The following GRIK2 variants were observed in gnomAD, a reference collection of about 807,000 sequenced individuals.
The protein encoded by GRIK2 is glutamate ionotropic receptor kainate type subunit 2.
GRIK2 carries 32 observed loss-of-function variants against 100.3 expected under a neutral mutation model. That is an observed-to-expected ratio of 0.32 (90% CI 0.24 to 0.43). GRIK2 has a LOEUF of 0.43. GRIK2 is among the 20% of genes least tolerant of loss of function. The pLI is 1.00. For missense variants in GRIK2, 843 were observed against 1,114.9 expected (o/e 0.76, Z 3.47); for synonymous variants, 417 against 389.4 (o/e 1.07, Z -0.83).
intron 4 of GRIK2, among the ~76,000 whole-genome samples, chr6:101,666,115 T>C (rs1252705617): frequency 6.6e-6 from 1 of 152,156 alleles, no homozygotes; most frequent in Non-Finnish European, 1.5e-5. Context: ...CTCTCAAGTT[T>C]GATAATTTGC....
At chr6:101,939,950 G>T (rs2791806) in intron 14 of GRIK2, among the ~76,000 whole-genome samples, 1 of 152,138 alleles carries the variant, frequency 6.6e-6, no homozygotes, top group African/African-American at 2.4e-5. Context: ...CAATTAGGGA[G>T]GTGTTTCAGA....
intron 14 of GRIK2, among the ~76,000 whole-genome samples, chr6:102,032,294 GC>G: frequency 6.6e-6 from 1 of 151,258 alleles, no homozygotes; most frequent in East Asian, 2.0e-4. Context: ...ACTGCCAAGA[GC>G]CTTTCAAAAA....
intron 10 of GRIK2, among the ~76,000 whole-genome samples, chr6:101,855,921 T>A (rs1202487462): frequency 2.6e-5 from 4 of 152,152 alleles, no homozygotes; most frequent in African/African-American, 9.7e-5. Flanking sequence ...GGGGACAGTG[T>A]AAAGAAATTA....
intron 2 of GRIK2, among the ~76,000 whole-genome samples, chr6:101,482,121 G>A (rs1195540265): frequency 6.6e-6 from 1 of 152,166 alleles, no homozygotes; most frequent in Non-Finnish European, 1.5e-5. Context: ...TACAGTGAAT[G>A]ACAGCAGAAA....
chr6:101,875,623 T>C (rs1311792556), intron 11 of GRIK2, among the ~76,000 whole-genome samples: 1 of 151,908 alleles, frequency 6.6e-6, no homozygotes, highest in African/African-American at 2.4e-5. Flanking sequence ...CTTGTTTTTC[T>C]CTTTACTTCT....
chr6:101,736,504 C>T (rs1435643198), intron 7 of GRIK2, among the ~76,000 whole-genome samples: 1 of 152,202 alleles, frequency 6.6e-6, no homozygotes, highest in East Asian at 1.9e-4. Context: ...AGGCTTAACA[C>T]CACATGGAAG....
intron 2 of GRIK2, among the ~76,000 whole-genome samples, chr6:101,411,392 C>T (rs1467410345): frequency 6.6e-6 from 1 of 152,022 alleles, no homozygotes; most frequent in Non-Finnish European, 1.5e-5. Flanking sequence ...GTCTGGTCCC[C>T]AAACCTAGAA....
chr6:101,514,993 A>G (rs1225866621), intron 2 of GRIK2, among the ~76,000 whole-genome samples: 2 of 152,066 alleles, frequency 1.3e-5, no homozygotes, highest in Non-Finnish European at 2.9e-5. Context: ...TAGTGCACCC[A>G]TCACCCAAAC....
At chr6:101,777,562 A>T (rs937898169) in intron 7 of GRIK2, among the ~76,000 whole-genome samples, 2 of 152,194 alleles carry the variant, frequency 1.3e-5, no homozygotes, top group Admixed American at 6.5e-5. Context: ...TTTAATTTTC[A>T]ATGATAAAAT....
At chr6:102,023,758 A>G (rs1769549474) in intron 14 of GRIK2, among the ~76,000 whole-genome samples, 1 of 151,518 alleles carries the variant, frequency 6.6e-6, no homozygotes, top group African/African-American at 2.4e-5. Flanking sequence ...GATTCAGAAG[A>G]CATTGATAGT....
intron 7 of GRIK2, among the ~76,000 whole-genome samples, chr6:101,787,699 T>G (rs1173056450): frequency 6.6e-6 from 1 of 152,176 alleles, no homozygotes. Flanking sequence ...CTTTTAAAAG[T>G]TTGTTGAAAC....
intron 12 of GRIK2, among the ~76,000 whole-genome samples, chr6:101,899,998 AAAT>A (rs1387304250): frequency 2.0e-5 from 3 of 152,140 alleles, no homozygotes; most frequent in African/African-American, 4.8e-5. Flanking sequence ...GAAACATTAA[AAAT>A]AGAGAAAATT....
At chr6:101,828,105 TAGAA>T (rs1157696376) in intron 10 of GRIK2, among the ~76,000 whole-genome samples, 3 of 151,886 alleles carry the variant, frequency 2.0e-5, no homozygotes, top group African/African-American at 7.2e-5. Flanking sequence ...AGAATAAAAA[TAGAA>T]AGCAACACCA....
chr6:101,836,271 A>T (rs1198079765), intron 10 of GRIK2, among the ~76,000 whole-genome samples: 1 of 152,120 alleles, frequency 6.6e-6, no homozygotes, highest in Non-Finnish European at 1.5e-5. Context: ...TTAAAAATTT[A>T]AAAACTTCAT....
intron 2 of GRIK2, among the ~76,000 whole-genome samples, chr6:101,528,645 G>A (rs994208933): frequency 5.9e-5 from 9 of 152,022 alleles, no homozygotes; most frequent in East Asian, 1.9e-4. Flanking sequence ...GCTCACTTTC[G>A]GGCAAGCCGG....
At chr6:101,437,386 A>G (rs376857132) in intron 2 of GRIK2, among the ~76,000 whole-genome samples, 1 of 152,106 alleles carries the variant, frequency 6.6e-6, no homozygotes, top group Non-Finnish European at 1.5e-5. Context: ...GGAGCATCTA[A>G]TGTACCTCAC....
chr6:101,979,021 T>C (rs1432673699), intron 14 of GRIK2, among the ~76,000 whole-genome samples: 1 of 152,010 alleles, frequency 6.6e-6, no homozygotes, highest in Non-Finnish European at 1.5e-5. Context: ...ACATATCTTA[T>C]TTTCAACCAA....
intron 14 of GRIK2, among the ~76,000 whole-genome samples, chr6:102,028,569 G>T (rs1009004919): frequency 2.8e-4 from 42 of 151,218 alleles, no homozygotes; most frequent in African/African-American, 8.7e-4. Context: ...AAAATAAGAT[G>T]ATTTACGAAA....
At chr6:102,034,055 G>A (rs1770135024) in intron 14 of GRIK2, among the ~76,000 whole-genome samples, 1 of 151,344 alleles carries the variant, frequency 6.6e-6, no homozygotes. Context: ...TCTTGGCCAG[G>A]CATGGTGGCT....
Sources: allele counts gnomAD v4.1 joint callset (sites outside exome capture counted in the v4.1 genomes callset), GRCh38; gene constraint gnomAD v4.1.1; transcripts MANE v1.5; gene names NCBI Gene and HGNC (gene_info 2026-07-23, HGNC 2026-07-21).